Variants in PRKCZ observed in about 807,000 individuals in gnomAD.
PRKCZ encodes the protein protein kinase C zeta type.
PRKCZ carries 33 observed loss-of-function variants against 79.5 expected under a neutral mutation model. The observed-to-expected ratio is 0.41, with a 90% confidence interval of 0.31 to 0.55. The LOEUF (loss-of-function observed/expected upper bound fraction) is 0.55. Ranked by LOEUF, PRKCZ falls within the 20% of genes least tolerant of loss-of-function variation. The pLI, the probability that PRKCZ is intolerant of heterozygous loss-of-function variation, is 0.19. For synonymous variants in PRKCZ, 342 were observed against 320.9 expected (o/e 1.07, Z -0.70); for missense variants, 578 against 813.5 (o/e 0.71, Z 3.52).
chr1:2,061,691 T>C (rs1225257578), intron 4 of PRKCZ, among the ~76,000 whole-genome samples: 1 of 152,154 alleles, frequency 6.6e-6, no homozygotes, highest in African/African-American at 2.4e-5. Context: ...CCCTGCCCTG[T>C]GTGCTGATGT....
intron 10 of PRKCZ, among the ~76,000 whole-genome samples, chr1:2,163,665 T>G (rs1571930382): frequency 6.7e-6 from 1 of 150,166 alleles, no homozygotes. Context: ...CCGAGGCGGG[T>G]AGATCACGAG....
intron 3 of PRKCZ, among the ~76,000 whole-genome samples, chr1:2,059,153 A>G (rs138791843): frequency 6.6e-6 from 1 of 152,334 alleles, no homozygotes; most frequent in East Asian, 1.9e-4. Flanking sequence ...CCCAGGATAT[A>G]TGTTAAAATA....
At position 2,177,115 on chromosome 1, in the gene PRKCZ, C is replaced by T. The variant is rs1685645722; in HGVS notation, c.1575+1802C>T. Among the ~76,000 whole-genome samples the T allele has an allele frequency of 6.6e-6, 1 of 152,130 alleles. No individual in the cohort carries two copies. Among genetic ancestry groups the T allele is most frequent in the Admixed American group, 6.5e-5 (1 of 15,282 alleles). ...GCGTCCCTTTTCTCTGGCTCAGGCA[C>T]CCCTGGCCTAGTGGGGTTACTGGTG... On this transcript the variant is annotated intron_variant, in intron 16 of 17. Coordinates refer to ENST00000378567, the MANE Select transcript of PRKCZ (RefSeq NM_002744.6). This position sits in a 1 kb window ranked among gnomAD's most constrained non-coding sequence, Gnocchi z 6.4.
At chr1:2,118,363 A>C (rs1273754384) in intron 4 of PRKCZ, among the ~76,000 whole-genome samples, 2 of 140,584 alleles carry the variant, frequency 1.4e-5, no homozygotes, top group Non-Finnish European at 3.0e-5. Context: ...TTTGAGACAG[A>C]GTGTCGCTCT....
intron 4 of PRKCZ, among the ~76,000 whole-genome samples, chr1:2,117,240 G>A (rs547226021): frequency 6.6e-6 from 1 of 152,294 alleles, no homozygotes; most frequent in African/African-American, 2.4e-5. Flanking sequence ...GCAAGCCACT[G>A]CACCCGGCCT....
intron 4 of PRKCZ, among the ~76,000 whole-genome samples, chr1:2,116,956 G>A (rs1309045765): frequency 6.6e-6 from 1 of 152,004 alleles, no homozygotes; most frequent in Non-Finnish European, 1.5e-5. Flanking sequence ...TTTTGGCAGG[G>A]GAGTTGCGGG....
chr1:2,119,666 C>T (rs978529311), intron 4 of PRKCZ, among the ~76,000 whole-genome samples: 3 of 152,204 alleles, frequency 2.0e-5, no homozygotes, highest in South Asian at 4.1e-4. Flanking sequence ...CCCCAGGTTA[C>T]CCTTCTAGTC....
At chr1:2,120,293 G>GTTTTTGTTTT (rs1671605798) in intron 4 of PRKCZ, among the ~76,000 whole-genome samples, 1 of 32,842 alleles carries the variant, frequency 3.0e-5, no homozygotes, top group East Asian at 8.9e-4. Context: ...TTGACTTTTC[G>GTTTTTGTTTT]TTTTTTTTTT....
rs367926399 is a variant in PRKCZ at position 2,181,563 on chromosome 1, T to G, written c.1576-3020T>G. Among the ~76,000 whole-genome samples, 6 of 152,302 alleles carry G rather than the reference T, an allele frequency of 3.9e-5. No individual in the cohort carries two copies. The East Asian group carries it at 5.8e-4, about 15-fold the overall frequency. ...CATGGGTCCCGACCTGGAGCCCACG[T>G]GCCAGCTGCAGAGATGGGCACTGAA... On this transcript the variant is annotated intron_variant, in intron 16 of 17. Transcript: ENST00000378567.
At chr1:2,158,543 C>CAG (rs1350713443) in intron 10 of PRKCZ, among the ~76,000 whole-genome samples, 1 of 152,234 alleles carries the variant, frequency 6.6e-6, no homozygotes, top group African/African-American at 2.4e-5. Context: ...GGCCTCTTTC[C>CAG]GCCCTGACTG....
At chr1:2,057,467 C>G (rs932928869) in intron 3 of PRKCZ, among the ~76,000 whole-genome samples, 1 of 152,208 alleles carries the variant, frequency 6.6e-6, no homozygotes, top group Non-Finnish European at 1.5e-5. Context: ...GACCAAAGCT[C>G]GAAACCACCC....
intron 4 of PRKCZ, among the ~76,000 whole-genome samples, chr1:2,065,938 T>C (rs1052312282): frequency 6.6e-6 from 1 of 152,228 alleles, no homozygotes; most frequent in Non-Finnish European, 1.5e-5. Context: ...ACCTTCATTT[T>C]GTTAATGTGG....
chr1:2,144,706 G>T, intron 6 of PRKCZ: 1 of 939,284 alleles, frequency 1.1e-6, no homozygotes, highest in Non-Finnish European at 1.3e-6. Context: ...CATTGGGCAC[G>T]CTGAGGCTCC....
intron 4 of PRKCZ, among the ~76,000 whole-genome samples, chr1:2,111,127 G>A (rs968884511): frequency 6.6e-6 from 1 of 152,246 alleles, no homozygotes; most frequent in East Asian, 1.9e-4. Flanking sequence ...CAGGGAAGGC[G>A]AGGAGGAGCC....
intron 10 of PRKCZ, among the ~76,000 whole-genome samples, chr1:2,163,591 A>G (rs1682736207): frequency 6.6e-6 from 1 of 152,094 alleles, no homozygotes; most frequent in Admixed American, 6.5e-5. Flanking sequence ...CTGTTTTGCT[A>G]TCAAGAAAAA....
At chr1:2,100,614 G>A (rs908740) in intron 4 of PRKCZ, among the ~76,000 whole-genome samples, 1,609 of 152,312 alleles carry the variant, frequency 0.011, 33 homozygotes, top group African/African-American at 0.036. Flanking sequence ...TCTGGGGTGT[G>A]CGAGCGGGGC....
Position 2,168,145 on chromosome 1 carries a change from G to T in PRKCZ, c.975-1373G>T, listed in dbSNP as rs1052782937. On this transcript the variant is annotated intron_variant, in intron 10 of 17. Transcript: ENST00000378567. The surrounding 1 kb of genome is among the most constrained non-coding windows in gnomAD (Gnocchi z 4.7). ...GGGGATTGGCAAACTTTTTCTTGAA[G>T]GGCCCAAGAGTAGACATTTTTGGCT... Among the ~76,000 whole-genome samples, 2 of 152,170 alleles carry T rather than the reference G, an allele frequency of 1.3e-5. No individual in the cohort carries two copies. Among genetic ancestry groups the T allele is most frequent in the Non-Finnish European group, 2.9e-5 (2 of 68,028 alleles).
chr1:2,184,388 A>T, intron 16 of PRKCZ, 195 bp from the exon 17 acceptor site: 2 of 548,836 alleles, frequency 3.6e-6, no homozygotes, highest in Non-Finnish European at 6.5e-6. Flanking sequence ...TCTCAGCTCG[A>T]CAACAATTTT....
At chr1:2,108,190 G>A (rs548420924) in intron 4 of PRKCZ, among the ~76,000 whole-genome samples, 164 of 152,374 alleles carry the variant, frequency 1.1e-3, no homozygotes, top group Non-Finnish European at 2.1e-3. Flanking sequence ...TCTGGGTGGG[G>A]CCATGATCCT....
Sources: gnomAD v4.1 joint callset for allele counts (sites outside exome capture counted in the v4.1 genomes callset) on GRCh38, gnomAD v4.1.1 for gene constraint, Gnocchi (gnomAD v3.1) non-coding constraint, MANE v1.5 for transcripts, NCBI Gene and HGNC (gene_info 2026-07-23, HGNC 2026-07-21) for gene names.